The following AGL variants were observed in gnomAD, a reference collection of about 807,000 sequenced individuals.
AGL encodes amylo-alpha-1,6-glucosidase and 4-alpha-glucanotransferase, also known as glycogen debranching enzyme.
A neutral mutation model predicts 199.3 loss-of-function variants in AGL; 128 were observed. The ratio of observed to expected loss-of-function variants is 0.64; its 90% CI spans 0.56 to 0.74. The LOEUF is 0.74. AGL is among the 30% of genes least tolerant of loss of function. The probability of loss-of-function intolerance (pLI) is 0.00; values close to 1 mark genes in which losing one functional copy is unlikely to be tolerated. For missense variants in AGL, 1,809 were observed against 1,820.8 expected (o/e 0.99, Z 0.12); for synonymous variants, 584 against 594.7 (o/e 0.98, Z 0.26).
Position 99,888,271 on chromosome 1 carries a change from T to C in AGL, c.2812+163T>C, listed in dbSNP as rs530246607. On this transcript the variant is annotated intron_variant, in intron 21 of 33. Coordinates refer to ENST00000361915, the MANE Select transcript of AGL (RefSeq NM_000642.3). ...CCTTTGGCAAGTAATATAACCTCTT[T>C]GTGTGCCAATTTCTGCTTCTATAAA... is the stretch of plus-strand genomic sequence containing the variant. Among the ~76,000 whole-genome samples the C allele has an allele frequency of 4.8e-4, 73 of 152,200 alleles. 1 individual carries two copies. The South Asian group carries it at 5.4e-3, about 11-fold the overall frequency.
At chr1:99,874,655 G>T (rs768899696) in intron 7 of AGL, 32 bp from the exon 8 acceptor site, 1 of 1,590,724 alleles carries the variant, frequency 6.3e-7, no homozygotes, top group Non-Finnish European at 8.6e-7. Context: ...GTAGATATTT[G>T]CATTTAAGGT....
chr1:99,852,518 C>T lies in AGL; in HGVS notation c.82+1394C>T, dbSNP rs967767656. ...CCAAGTAGCTGGGACTGCAGGCATA[C>T]ATCACTATGCCCCGCTAATTTTTTT... On this transcript the variant is annotated intron_variant, in intron 2 of 33. Transcript: ENST00000361915. The T allele has an allele frequency of 4.8e-6, 3 of 621,850 alleles. No individual in the cohort carries two copies. In the African/African-American group the frequency reaches 5.6e-5, roughly 12 times the overall value. The allele number at this position is 621,850 out of a possible 1,614,324, so 38.5% of individuals were successfully genotyped here. A position where few individuals can be genotyped will look rare whatever the true frequency, so the allele number is the denominator to read the frequency against.
intron 27 of AGL, among the ~76,000 whole-genome samples, chr1:99,905,315 G>T (rs1163225817): frequency 1.3e-5 from 2 of 152,110 alleles, no homozygotes; most frequent in Admixed American, 6.5e-5. Flanking sequence ...TTGTACCTCA[G>T]CCTCCCAAGT....
At chr1:99,910,425 T>C (rs975323756) in intron 27 of AGL, among the ~76,000 whole-genome samples, 8 of 152,176 alleles carry the variant, frequency 5.3e-5, no homozygotes, top group African/African-American at 1.4e-4. Flanking sequence ...TTTTTGTGAA[T>C]GCAAGCAATG....
At chr1:99,875,030 A>G (rs1360493643) in intron 8 of AGL, 124 bp from the exon 9 acceptor site, 1 of 1,047,728 alleles carries the variant, frequency 9.5e-7, no homozygotes, top group Non-Finnish European at 1.4e-6. Flanking sequence ...GGAAAACATC[A>G]TCAGCCATAA....
At chr1:99,851,435 A>G (rs1300616918) in intron 2 of AGL, among the ~76,000 whole-genome samples, 4 of 152,214 alleles carry the variant, frequency 2.6e-5, no homozygotes, top group East Asian at 3.8e-4. Flanking sequence ...AATAACATTT[A>G]CTATTAAAAC....
In AGL at chr1:99,891,585, T is replaced by A. The variant is rs2035961; in HGVS notation, c.2950-21T>A. ...GTCTGTACACATACCAAATTAACTT[T>A]CAAATTTATTTTAATTACAGGTTGG... On this transcript the variant is annotated intron_variant, in intron 22 of 33. Coordinates refer to ENST00000361915, the MANE Select transcript of AGL (RefSeq NM_000642.3). The A allele has an allele frequency of 0.53, 859,859 of 1,611,376 alleles. 232,599 individuals are homozygous for A. The highest frequency in any genetic ancestry group is 0.68 in the East Asian group (30,254 of 44,796).
In AGL at chr1:99,892,328, A is replaced by G. The variant is rs143446530; in HGVS notation, c.3084-104A>G. 2.5e-4 allele frequency: 257 copies of G among 1,040,238 alleles called. 4 individuals are homozygous for G. In the East Asian group the frequency reaches 4.7e-3, roughly 19 times the overall value. 64.4% of individuals were successfully genotyped at this position (1,040,238 alleles called of 1,614,324 possible). On this transcript the variant is annotated intron_variant, in intron 23 of 33. Transcript: ENST00000361915. Reference sequence around the variant, plus strand: ...AATGTTAAGTAATATTACTATTGTTATAGATTTGTATAGAAAAATCATTTG... The same window carrying G: ...AATGTTAAGTAATATTACTATTGTTGTAGATTTGTATAGAAAAATCATTTG...
intron 10 of AGL, among the ~76,000 whole-genome samples, chr1:99,875,723 TAATC>T (rs1226469077): frequency 6.6e-6 from 1 of 152,216 alleles, no homozygotes; most frequent in Non-Finnish European, 1.5e-5. Flanking sequence ...AATTCAATAT[TAATC>T]AAATTAAGCA....
intron 2 of AGL, among the ~76,000 whole-genome samples, chr1:99,854,614 A>T (rs1571212213): frequency 6.6e-6 from 1 of 151,888 alleles, no homozygotes; most frequent in Admixed American, 6.6e-5. Context: ...TACAAAAAAA[A>T]TTAGCCGGGC....
intron 7 of AGL, among the ~76,000 whole-genome samples, chr1:99,874,257 T>TAA (rs34530728): frequency 2.1e-4 from 31 of 147,368 alleles, no homozygotes; most frequent in East Asian, 5.9e-4. Flanking sequence ...TTAAAGTGTT[T>TAA]AAAAAAAAAA....
chr1:99,868,727 A>G (rs1650741507), intron 5 of AGL, among the ~76,000 whole-genome samples: 1 of 151,980 alleles, frequency 6.6e-6, no homozygotes, highest in African/African-American at 2.4e-5. Context: ...GGCTGCAGTG[A>G]GCTATGATTG....
chr1:99,884,030 T>C, intron 17 of AGL, 90 bp from the exon 18 acceptor site: 1 of 1,105,054 alleles, frequency 9.0e-7, no homozygotes, highest in Non-Finnish European at 1.4e-6. Context: ...GTTTTCAACT[T>C]TAAGTTAAAT....
intron 6 of AGL, 49 bp downstream of exon 6, chr1:99,870,630 A>G: frequency 1.3e-6 from 2 of 1,592,100 alleles, no homozygotes; most frequent in Non-Finnish European, 1.7e-6. Flanking sequence ...AAATTTCTAA[A>G]GCACACATTA....
intron 2 of AGL, among the ~76,000 whole-genome samples, chr1:99,855,857 A>G (rs146139931): frequency 1.3e-3 from 191 of 152,278 alleles, no homozygotes; most frequent in African/African-American, 4.5e-3. Flanking sequence ...AAATTCTTCC[A>G]TCTTTTAAGT....
chr1:99,888,261 A>G (rs1427628956), intron 21 of AGL, among the ~76,000 whole-genome samples, 153 bp downstream of exon 21: 7 of 152,204 alleles, frequency 4.6e-5, no homozygotes, highest in Non-Finnish European at 1.0e-4. Flanking sequence ...GGCAAGTAAT[A>G]TAACCTCTTT....
intron 2 of AGL, among the ~76,000 whole-genome samples, chr1:99,851,677 A>G (rs1353623475): frequency 6.6e-6 from 1 of 152,206 alleles, no homozygotes; most frequent in Admixed American, 6.5e-5. Context: ...GTTATGTTGA[A>G]CTATATATAG....
At chr1:99,866,023 C>T (rs1650477610) in intron 5 of AGL, among the ~76,000 whole-genome samples, 1 of 152,062 alleles carries the variant, frequency 6.6e-6, no homozygotes, top group South Asian at 2.1e-4. Flanking sequence ...ATCCCAGCTG[C>T]TTGAGAGGCT....
At chr1:99,899,899 C>T (rs1653677904) in intron 25 of AGL, among the ~76,000 whole-genome samples, 1 of 150,838 alleles carries the variant, frequency 6.6e-6, no homozygotes, top group African/African-American at 2.4e-5. Context: ...GGATTACAGG[C>T]CTGAGCCACC....
Sources: allele counts gnomAD v4.1 joint callset (sites outside exome capture counted in the v4.1 genomes callset), GRCh38; gene constraint gnomAD v4.1.1; transcripts MANE v1.5; gene names NCBI Gene and HGNC (gene_info 2026-07-23, HGNC 2026-07-21).